NPHP1: variants seen among roughly 807,000 people sequenced by gnomAD.
NPHP1 encodes the protein nephrocystin-1.
NPHP1 carries 70 observed loss-of-function variants against 90.4 expected under a neutral mutation model. The observed-to-expected ratio is 0.77, with a 90% CI of 0.64 to 0.95. The LOEUF (loss-of-function observed/expected upper bound fraction) is 0.95. Ranked by LOEUF, NPHP1 falls within the 40% of genes least tolerant of loss-of-function variation. The pLI is 0.00. For synonymous variants in NPHP1, 256 were observed against 271.7 expected (o/e 0.94, Z 0.57); for missense variants, 764 against 795.9 (o/e 0.96, Z 0.48).
Position 110,129,244 on chromosome 2 carries a change from G to C in NPHP1, c.1658C>G (p.Pro553Arg), listed in dbSNP as rs776062957. 6.2e-7 allele frequency: 1 copy of C among 1,613,150 alleles called. No individual in the cohort carries two copies. The highest frequency in any genetic ancestry group is 1.1e-5 in the South Asian group (1 of 90,966). ...GAGCATGGGGAAGGTGGCCAGCATG[G>C]GATGGCTAATTAAATCTGAAATGCA... ...SLQSTDLISH[P>R]MLATFPMLLE... The change falls in exon 18 of 20, where the codon CCC (proline) becomes CGC (arginine). Residue 553 changes from proline to arginine, a missense_variant. Physicochemically the swap from Pro to Arg is moderately radical, Grantham distance 103 (BLOSUM62 -2). Coordinates refer to ENST00000445609, the MANE Select transcript of NPHP1 (RefSeq NM_001128178.3).
At chr2:110,164,770 T>C in intron 7 of NPHP1, 40 bp from the exon 8 acceptor site, 5 of 1,520,760 alleles carry the variant, frequency 3.3e-6, no homozygotes, top group Non-Finnish European at 3.7e-6. Flanking sequence ...GGTCAGGTTA[T>C]GCCTATTCAC....
intron 2 of NPHP1, among the ~76,000 whole-genome samples, chr2:110,189,646 T>C (rs1488113591): frequency 1.3e-5 from 2 of 152,140 alleles, no homozygotes; most frequent in African/African-American, 4.8e-5. Context: ...TTTATTCTTT[T>C]ATCTGGCCCC....
chr2:110,181,622 A>G (rs752078058), intron 2 of NPHP1, among the ~76,000 whole-genome samples: 21 of 152,270 alleles, frequency 1.4e-4, no homozygotes, highest in Non-Finnish European at 2.4e-4. Context: ...CTCAACAAAA[A>G]TCCTATTTAA....
chr2:110,162,272 C>A (rs1344537190), intron 9 of NPHP1, among the ~76,000 whole-genome samples: 3 of 151,896 alleles, frequency 2.0e-5, no homozygotes, highest in South Asian at 2.1e-4. Flanking sequence ...AGTAGACAAG[C>A]AAATAAATAA....
chr2:110,140,368 T>C (rs984582896), intron 16 of NPHP1, among the ~76,000 whole-genome samples: 7 of 152,120 alleles, frequency 4.6e-5, no homozygotes, highest in Non-Finnish European at 7.4e-5. Context: ...TATTCTGTAC[T>C]GTAATGAAAC....
chr2:110,195,228 G>T (rs1455665031), intron 2 of NPHP1, among the ~76,000 whole-genome samples: 2 of 152,160 alleles, frequency 1.3e-5, no homozygotes, highest in Non-Finnish European at 2.9e-5. Flanking sequence ...GTCCCTGTTT[G>T]CAGATGACAT....
At chr2:110,136,219 A>C (rs867462265) in intron 16 of NPHP1, among the ~76,000 whole-genome samples, 2 of 152,124 alleles carry the variant, frequency 1.3e-5, no homozygotes, top group African/African-American at 4.8e-5. Context: ...CAATATCATA[A>C]TGAATGGACA....
intron 2 of NPHP1, among the ~76,000 whole-genome samples, chr2:110,183,457 A>C (rs1042724788): frequency 6.6e-6 from 1 of 152,160 alleles, no homozygotes; most frequent in Admixed American, 6.5e-5. Flanking sequence ...TAATCTATAG[A>C]AACAATACTT....
intron 2 of NPHP1, 56 bp downstream of exon 2, chr2:110,201,365 T>C: frequency 9.7e-7 from 1 of 1,029,428 alleles, no homozygotes; most frequent in Non-Finnish European, 1.5e-6. Flanking sequence ...TTAAATACTA[T>C]GCATTGAAAT....
chr2:110,204,976 G>T lies in NPHP1; in HGVS notation c.-8C>A. ...CTGTCGTCTCGCCAGCATCTCCCTG[G>T]CTGCGGTGCTCTGATTGCTCCAGTT... On this transcript the variant is annotated 5_prime_UTR_variant, in exon 1 of 20. Coordinates refer to ENST00000445609, the MANE Select transcript of NPHP1 (RefSeq NM_001128178.3). 1 of 1,613,870 alleles carries T rather than the reference G, an allele frequency of 6.2e-7. No homozygotes were observed. The highest frequency in any genetic ancestry group is 8.5e-7 in the Non-Finnish European group (1 of 1,179,850).
In NPHP1 at chr2:110,125,663, C is replaced by T; in HGVS notation, c.1735G>A (p.Glu579Lys). Residue 579 changes from glutamate to lysine, a missense_variant, in exon 19 of 20, where the codon GAA becomes AAA. Physicochemically the swap from Glu to Lys is moderately conservative, Grantham distance 56 (BLOSUM62 1). Coordinates refer to ENST00000445609, the MANE Select transcript of NPHP1 (RefSeq NM_001128178.3). ...TTCTCTGATCTTTTTAATGTGCTTT[C>T]TTTTCCAGCCCACGAACTCTAAAGA... ...DALRSSWAGKESTLKRSEKRD... is the reference protein window; with the variant it reads ...DALRSSWAGKKSTLKRSEKRD... 6.2e-7 allele frequency: 1 copy of T among 1,613,430 alleles called. No individual in the cohort carries two copies. The highest frequency in any genetic ancestry group is 8.5e-7 in the Non-Finnish European group (1 of 1,179,558).
chr2:110,202,439 C>A (rs1206689658), intron 1 of NPHP1: 2 of 455,162 alleles, frequency 4.4e-6, no homozygotes, highest in South Asian at 1.6e-5. Context: ...CCTACAGACA[C>A]CGAATAGAAA....
chr2:110,141,062 T>A (rs1379056421), intron 16 of NPHP1, among the ~76,000 whole-genome samples: 1 of 152,144 alleles, frequency 6.6e-6, no homozygotes, highest in South Asian at 2.1e-4. Context: ...ACAGTCTCTG[T>A]CCCATGCCAT....
chr2:110,151,937 ACTT>A (rs1426396539), intron 11 of NPHP1, among the ~76,000 whole-genome samples: 26 of 152,260 alleles, frequency 1.7e-4, no homozygotes, highest in African/African-American at 6.0e-4. Flanking sequence ...ATCAAGAGTA[ACTT>A]CTTCTGTTTG....
intron 2 of NPHP1, among the ~76,000 whole-genome samples, chr2:110,199,154 T>C (rs1685387856): frequency 6.6e-6 from 1 of 152,172 alleles, no homozygotes; most frequent in East Asian, 1.9e-4. Flanking sequence ...TGACTGATGA[T>C]GGCCAGGCAC....
chr2:110,155,275 G>C (rs1681803576), intron 11 of NPHP1, among the ~76,000 whole-genome samples: 1 of 152,194 alleles, frequency 6.6e-6, no homozygotes, highest in African/African-American at 2.4e-5. Flanking sequence ...TGATATGTCT[G>C]AATGTCCAGT....
chr2:110,192,357 A>G (rs1013011291), intron 2 of NPHP1, among the ~76,000 whole-genome samples: 1 of 152,206 alleles, frequency 6.6e-6, no homozygotes, highest in Non-Finnish European at 1.5e-5. Flanking sequence ...CTACGTGACG[A>G]ATGCACAAGC....
Position 110,123,521 on chromosome 2 carries a change from C to G in NPHP1, c.*270G>C. The stretch of plus-strand genomic sequence containing the variant: ...GACAAAATCTTGCTTTTATAGAAAT[C>G]TATACCATTAACTTAAGTAGCTGTT... On this transcript the variant is annotated 3_prime_UTR_variant, in exon 20 of 20. Coordinates refer to ENST00000445609, the MANE Select transcript of NPHP1 (RefSeq NM_001128178.3). The G allele has an allele frequency of 3.0e-6, 1 of 334,422 alleles. No homozygotes were observed. The highest frequency in any genetic ancestry group is 4.3e-5 in the Admixed American group (1 of 23,012). The allele number at this position is 334,422 out of a possible 1,614,324, so 20.7% of individuals were successfully genotyped here.
chr2:110,158,386 G>T (rs780282911), intron 11 of NPHP1, among the ~76,000 whole-genome samples: 20 of 152,022 alleles, frequency 1.3e-4, no homozygotes, highest in Non-Finnish European at 2.2e-4. Flanking sequence ...ATTACTGAGA[G>T]AGAAGTGTTA....
Sources: allele counts gnomAD v4.1 joint callset (sites outside exome capture counted in the v4.1 genomes callset), GRCh38; gene constraint gnomAD v4.1.1; transcripts MANE v1.5; gene names NCBI Gene and HGNC (gene_info 2026-07-23, HGNC 2026-07-21).